DTNA: variants seen among roughly 807,000 people sequenced by gnomAD.
The protein encoded by DTNA is dystrobrevin alpha, also known as dystrophin-related protein 3.
DTNA carries 43 observed loss-of-function variants against 100.7 expected under a neutral mutation model. The ratio of observed to expected loss-of-function variants is 0.43; its 90% CI spans 0.33 to 0.55. The LOEUF (loss-of-function observed/expected upper bound fraction) is 0.55. Ranked by LOEUF, DTNA falls within the 20% of genes least tolerant of loss-of-function variation. The pLI is 0.04. For synonymous variants in DTNA, 349 were observed against 347.9 expected (o/e 1.00, Z -0.04); for missense variants, 798 against 953.9 (o/e 0.84, Z 2.15).
chr18:34,698,193 G>T (rs1186136907), intron 1 of DTNA, among the ~76,000 whole-genome samples: 1 of 152,158 alleles, frequency 6.6e-6, no homozygotes, highest in Admixed American at 6.5e-5. Context: ...TCACCCTGTA[G>T]AGTCCCTTTT....
chr18:34,659,567 A>T (rs1370591614), intron 1 of DTNA, among the ~76,000 whole-genome samples: 2 of 152,108 alleles, frequency 1.3e-5, no homozygotes, highest in African/African-American at 4.8e-5. Context: ...GTTTTTCCTT[A>T]CACAAGAAAT....
intron 1 of DTNA, among the ~76,000 whole-genome samples, chr18:34,699,348 A>G (rs2081053577): frequency 6.6e-6 from 1 of 152,160 alleles, no homozygotes. Flanking sequence ...ACCATAATGC[A>G]GAAAAAGCAC....
chr18:34,663,160 T>C (rs111945585), intron 1 of DTNA, among the ~76,000 whole-genome samples: 22 of 152,068 alleles, frequency 1.4e-4, no homozygotes, highest in Non-Finnish European at 2.9e-5. Context: ...TATTTTTACT[T>C]TTTATTTTTT....
At chr18:34,849,312 A>C (rs2096439116) in intron 14 of DTNA, among the ~76,000 whole-genome samples, 2 of 152,240 alleles carry the variant, frequency 1.3e-5, no homozygotes, top group African/African-American at 4.8e-5. Flanking sequence ...GAGTCACTTG[A>C]AAGTAAAGGC....
At chr18:34,782,419 A>G (rs775444001) in intron 3 of DTNA, among the ~76,000 whole-genome samples, 1 of 152,212 alleles carries the variant, frequency 6.6e-6, no homozygotes, top group Non-Finnish European at 1.5e-5. Context: ...TTATGGAATG[A>G]TATAAAACAT....
intron 1 of DTNA, among the ~76,000 whole-genome samples, chr18:34,672,725 C>T (rs1004299996): frequency 2.6e-5 from 4 of 151,986 alleles, no homozygotes; most frequent in African/African-American, 4.8e-5. Context: ...AATAATAGGA[C>T]AAAAAAGTTT....
At chr18:34,825,178 T>C (rs2095831066) in intron 9 of DTNA, 3 of 1,564,250 alleles carry the variant, frequency 1.9e-6, no homozygotes, top group East Asian at 4.5e-5. Flanking sequence ...CATTTTGGTA[T>C]TTTGACATTT....
At chr18:34,692,720 A>T (rs984352717) in intron 1 of DTNA, among the ~76,000 whole-genome samples, 1 of 152,220 alleles carries the variant, frequency 6.6e-6, no homozygotes, top group Non-Finnish European at 1.5e-5. Flanking sequence ...CAAACTATTT[A>T]TACAAAATCT....
intron 1 of DTNA, among the ~76,000 whole-genome samples, chr18:34,753,366 A>ATTTTATTTTATTTTTTTTTTTTTTTT (rs2092500633): frequency 7.5e-6 from 1 of 133,150 alleles, no homozygotes; most frequent in African/African-American, 3.2e-5. Context: ...TATTTATTTT[A>ATTTTATTTTATTTTTTTTTTTTTTTT]TTTTTTTTTT....
intron 6 of DTNA, among the ~76,000 whole-genome samples, chr18:34,812,609 A>T (rs577764537): frequency 1.3e-5 from 2 of 152,198 alleles, no homozygotes; most frequent in South Asian, 4.2e-4. Context: ...ATCTCCTGAG[A>T]ACTCCCTCAC....
At chr18:34,841,637 A>G (rs2096270157) in intron 13 of DTNA, among the ~76,000 whole-genome samples, 1 of 152,190 alleles carries the variant, frequency 6.6e-6, no homozygotes, top group South Asian at 2.1e-4. Context: ...GTTGGATATG[A>G]TTATTTCCAT....
chr18:34,595,752 A>T (rs2050468068), intron 1 of DTNA, among the ~76,000 whole-genome samples: 1 of 152,212 alleles, frequency 6.6e-6, no homozygotes, highest in Non-Finnish European at 1.5e-5. Flanking sequence ...TCGTAAGAGT[A>T]AGTTGAGATC....
chr18:34,801,574 G>T (rs1568569940), intron 4 of DTNA, among the ~76,000 whole-genome samples: 1 of 149,946 alleles, frequency 6.7e-6, no homozygotes, highest in African/African-American at 2.5e-5. Flanking sequence ...GCAGTGGCGC[G>T]ATCTTGGCTC....
chr18:34,552,297 C>CA, intron 1 of DTNA, among the ~76,000 whole-genome samples: 1 of 151,458 alleles, frequency 6.6e-6, no homozygotes, highest in Non-Finnish European at 1.5e-5. Flanking sequence ...TAAAGAAATA[C>CA]AAAAAAAGCC....
intron 1 of DTNA, among the ~76,000 whole-genome samples, chr18:34,621,762 A>G (rs528767551): frequency 6.6e-5 from 10 of 152,344 alleles, no homozygotes; most frequent in African/African-American, 1.9e-4. Flanking sequence ...CATAGTGACT[A>G]TAGTTAAAAA....
intron 10 of DTNA, 105 bp downstream of exon 10, chr18:34,827,781 C>G: frequency 8.8e-7 from 1 of 1,137,260 alleles, no homozygotes; most frequent in South Asian, 1.3e-5. Context: ...AATATTGTTA[C>G]TAGAAACTAA....
chr18:34,702,911 G>A lies in DTNA; in HGVS notation c.-1-53065G>A, dbSNP rs77347569. 2.9e-3 allele frequency among the ~76,000 whole-genome samples: 442 copies of A among 152,298 alleles called. 2 individuals are homozygous for A. Among genetic ancestry groups the A allele is most frequent in the African/African-American group, 0.01 (416 of 41,560 alleles). ...CAACCTGCATATTTACATAGAGACA[G>A]ATAGGAAATGGTAACTATAAAGATG... On this transcript the variant is annotated intron_variant, in intron 1 of 19. Coordinates refer to the DTNA transcript ENST00000283365.
chr18:34,594,220 AG>A (rs1407505147), intron 1 of DTNA, among the ~76,000 whole-genome samples: 6 of 151,710 alleles, frequency 4.0e-5, no homozygotes, highest in African/African-American at 1.5e-4. Context: ...GACAAGGGAG[AG>A]GAAGAGTTGT....
chr18:34,517,460 C>CGTGTGTGTGTGTGTGTGTGTGTGT (rs1199695756), intron 1 of DTNA, among the ~76,000 whole-genome samples: 2 of 148,884 alleles, frequency 1.3e-5, no homozygotes, highest in East Asian at 2.0e-4. Flanking sequence ...TTTATATACA[C>CGTGTGTGTGTGTGTGTGTGTGTGT]GTGTGTGTGT....
Sources: allele counts gnomAD v4.1 joint callset (sites outside exome capture counted in the v4.1 genomes callset), GRCh38; gene constraint gnomAD v4.1.1; transcripts MANE v1.5; gene names NCBI Gene and HGNC (gene_info 2026-07-23, HGNC 2026-07-21).